The following TFCP2 variants were observed in gnomAD, a reference collection of about 807,000 sequenced individuals.
TFCP2 encodes the protein transcription factor CP2.
Under a neutral mutation model 73.4 loss-of-function variants are expected in TFCP2, and 33 were observed. The observed-to-expected ratio is 0.45, with a 90% CI of 0.34 to 0.60. The LOEUF (loss-of-function observed/expected upper bound fraction) is 0.60. TFCP2 is among the 20% of genes least tolerant of loss of function. The pLI, the probability that TFCP2 is intolerant of heterozygous loss-of-function variation, is 0.01. For synonymous variants in TFCP2, 193 were observed against 211.6 expected, an observed-to-expected ratio of 0.91 and a Z score of 0.76; for missense variants, 352 against 604.0, an observed-to-expected ratio of 0.58 and a Z score of 4.37.
chr12:51,153,962 C>T (rs1941483130), intron 1 of TFCP2, among the ~76,000 whole-genome samples: 1 of 152,210 alleles, frequency 6.6e-6, no homozygotes, highest in Non-Finnish European at 1.5e-5. Context: ...CTGTTTTCCA[C>T]AGTGAATGCA....
chr12:51,164,489 G>T (rs1941713333), intron 1 of TFCP2, among the ~76,000 whole-genome samples: 1 of 151,248 alleles, frequency 6.6e-6, no homozygotes. Context: ...CCCAGCTACT[G>T]GAGAGGCTGA....
chr12:51,168,649 T>G (rs1459275085), intron 1 of TFCP2, among the ~76,000 whole-genome samples: 1 of 152,022 alleles, frequency 6.6e-6, no homozygotes, highest in Non-Finnish European at 1.5e-5. Flanking sequence ...CATACTCAGC[T>G]AATTTTTTTA....
intron 1 of TFCP2, among the ~76,000 whole-genome samples, chr12:51,171,110 C>T (rs1941851528): frequency 6.6e-6 from 1 of 152,160 alleles, no homozygotes; most frequent in South Asian, 2.1e-4. Flanking sequence ...TACTTTCCCC[C>T]TAAAAAGCAT....
intron 1 of TFCP2, chr12:51,124,755 T>A (rs1435469351): frequency 1.3e-6 from 1 of 742,674 alleles, no homozygotes; most frequent in Non-Finnish European, 2.4e-6. Context: ...CACGGCTGCC[T>A]TTTTCTGCTG....
intron 1 of TFCP2, chr12:51,124,913 G>T: frequency 2.2e-6 from 2 of 907,270 alleles, no homozygotes; most frequent in Non-Finnish European, 3.6e-6. Context: ...TCAAGGACAC[G>T]TCGTCCAGGA....
intron 6 of TFCP2, among the ~76,000 whole-genome samples, chr12:51,108,319 C>T (rs1438720404): frequency 6.6e-6 from 1 of 151,190 alleles, no homozygotes; most frequent in African/African-American, 2.4e-5. Flanking sequence ...TAGAAGAACA[C>T]ATACGAAATT....
chr12:51,143,276 A>G (rs570186001), intron 1 of TFCP2, among the ~76,000 whole-genome samples: 10 of 151,634 alleles, frequency 6.6e-5, no homozygotes, highest in South Asian at 4.2e-4. Context: ...ACCAAGTCCA[A>G]TATAAAACTC....
chr12:51,159,598 G>A (rs1433143692), intron 1 of TFCP2, among the ~76,000 whole-genome samples: 1 of 151,966 alleles, frequency 6.6e-6, no homozygotes, highest in Non-Finnish European at 1.5e-5. Context: ...GATTGCAGGC[G>A]TGAGCCACCG....
chr12:51,129,886 C>T (rs1940900807), intron 1 of TFCP2, among the ~76,000 whole-genome samples: 2 of 150,358 alleles, frequency 1.3e-5, no homozygotes, highest in South Asian at 2.1e-4. Context: ...CAGTGGCTCA[C>T]ACCTACAATC....
chr12:51,167,920 G>A (rs1941787809), intron 1 of TFCP2, among the ~76,000 whole-genome samples: 1 of 151,930 alleles, frequency 6.6e-6, no homozygotes, highest in African/African-American at 2.4e-5. Flanking sequence ...AACTGGCCAG[G>A]TGTGGTGGTG....
At chr12:51,105,196 C>T (rs543312447) in intron 8 of TFCP2, among the ~76,000 whole-genome samples, 10 of 151,628 alleles carry the variant, frequency 6.6e-5, no homozygotes, top group South Asian at 4.2e-4. Flanking sequence ...TGGTTTCAAG[C>T]GATTCTCCTG....
rs774428225 is a variant in TFCP2, at chr12:51,125,193, C to T, written c.123-6421G>A. On this transcript the variant is annotated intron_variant, in intron 1 of 14. Transcript: ENST00000257915. ...GCTACCAGTGATGATTGGTACATTA[C>T]GTGGTGGAGAAAGGCAAAGATAATT... 101 of 670,932 alleles carry T rather than the reference C, an allele frequency of 1.5e-4. No homozygotes were observed. The African/African-American group carries it at 1.5e-3, about 10-fold the overall frequency. 41.6% of individuals were successfully genotyped at this position (670,932 alleles called of 1,614,324 possible). A position where few individuals can be genotyped will look rare whatever the true frequency, so the allele number is the denominator to read the frequency against.
intron 1 of TFCP2, among the ~76,000 whole-genome samples, chr12:51,147,140 C>T (rs1941313501): frequency 1.3e-5 from 2 of 152,094 alleles, no homozygotes; most frequent in Admixed American, 6.6e-5. Flanking sequence ...GTCGGAAGTG[C>T]GAGACCAGCC....
intron 1 of TFCP2, among the ~76,000 whole-genome samples, chr12:51,128,285 C>T (rs372218725): frequency 2.0e-5 from 3 of 151,794 alleles, no homozygotes; most frequent in East Asian, 1.9e-4. Context: ...GTTGATGTGA[C>T]GTGCAGGACA....
chr12:51,142,378 C>T (rs1055199695), intron 1 of TFCP2, among the ~76,000 whole-genome samples: 35 of 151,358 alleles, frequency 2.3e-4, no homozygotes, highest in African/African-American at 6.1e-4. Flanking sequence ...TTCTTCTTTA[C>T]GGGTCTGCAT....
chr12:51,123,774 T>C (rs556750160), intron 1 of TFCP2, among the ~76,000 whole-genome samples: 1 of 152,304 alleles, frequency 6.6e-6, no homozygotes, highest in South Asian at 2.1e-4. Context: ...GACTTCTCTT[T>C]CCTGTTCTTA....
intron 6 of TFCP2, among the ~76,000 whole-genome samples, chr12:51,108,704 G>GT (rs1288999571): frequency 1.3e-4 from 19 of 151,448 alleles, no homozygotes; most frequent in African/African-American, 4.1e-4. Flanking sequence ...AGCCCAGGAG[G>GT]TTAAACTATG....
chr12:51,154,200 G>C (rs1410969017), intron 1 of TFCP2, among the ~76,000 whole-genome samples: 1 of 152,118 alleles, frequency 6.6e-6, no homozygotes, highest in Non-Finnish European at 1.5e-5. Flanking sequence ...CAATTATTTT[G>C]AGTATACATT....
intron 1 of TFCP2, among the ~76,000 whole-genome samples, chr12:51,123,251 A>G (rs886223874): frequency 6.6e-6 from 1 of 152,218 alleles, no homozygotes; most frequent in African/African-American, 2.4e-5. Context: ...AGAGTTTAAG[A>G]TCTATAAACC....
Sources: gnomAD v4.1 joint callset for allele counts (sites outside exome capture counted in the v4.1 genomes callset) on GRCh38, gnomAD v4.1.1 for gene constraint, MANE v1.5 for transcripts, NCBI Gene and HGNC (gene_info 2026-07-23, HGNC 2026-07-21) for gene names.